The following METTL8 variants were observed in gnomAD, a reference collection of about 807,000 sequenced individuals.
METTL8 encodes tRNA N(3)-cytidine methyltransferase METTL8, mitochondrial.
Under a neutral mutation model 48.7 loss-of-function variants are expected in METTL8, and 32 were observed. The observed-to-expected ratio is 0.66, with a 90% CI of 0.50 to 0.88. The LOEUF (loss-of-function observed/expected upper bound fraction) is 0.88, where lower values mean the gene tolerates loss of function less well. Among genes scored for constraint, METTL8 ranks in the 40% least tolerant of loss-of-function variants. The pLI is 0.00. For missense variants in METTL8, 464 were observed against 474.4 expected (o/e 0.98, Z 0.20); for synonymous variants, 136 against 157.1 (o/e 0.87, Z 1.01).
intron 2 of METTL8, among the ~76,000 whole-genome samples, chr2:171,364,059 C>T (rs559345601): frequency 4.0e-5 from 6 of 151,618 alleles, no homozygotes; most frequent in African/African-American, 7.3e-5. Flanking sequence ...GTGATTTGCC[C>T]GCCTCAGCCT....
intron 3 of METTL8, among the ~76,000 whole-genome samples, chr2:171,343,720 G>A (rs1687004917): frequency 6.6e-6 from 1 of 152,098 alleles, no homozygotes; most frequent in East Asian, 1.9e-4. Context: ...TTTGATGAAA[G>A]GTTTGAATTA....
upstream of METTL8, chr2:171,434,691 G>A: frequency 6.7e-7 from 1 of 1,495,288 alleles, no homozygotes; most frequent in African/African-American, 1.5e-5. Context: ...TCCTGCGGGC[G>A]CTGGTGTGCC....
chr2:171,356,373 A>G (rs1263871428), intron 3 of METTL8, among the ~76,000 whole-genome samples: 2 of 152,160 alleles, frequency 1.3e-5, no homozygotes, highest in Non-Finnish European at 2.9e-5. Flanking sequence ...TCCTGACCTC[A>G]GGTGATCCAC....
chr2:171,333,268 T>A (rs1011261419), intron 5 of METTL8, among the ~76,000 whole-genome samples: 3 of 152,068 alleles, frequency 2.0e-5, no homozygotes, highest in Admixed American at 6.6e-5. Flanking sequence ...CCGGCTAATT[T>A]TGTATTTTTA....
chr2:171,326,696 G>A (rs903437938), intron 7 of METTL8, among the ~76,000 whole-genome samples: 2 of 150,584 alleles, frequency 1.3e-5, no homozygotes, highest in Non-Finnish European at 2.9e-5. Flanking sequence ...AAAATTCTAT[G>A]TCCTCTTTAA....
intron 4 of METTL8, among the ~76,000 whole-genome samples, chr2:171,338,765 T>C (rs554738919): frequency 2.6e-5 from 4 of 152,242 alleles, no homozygotes; most frequent in African/African-American, 9.6e-5. Flanking sequence ...ATACATTGCC[T>C]TTAAAATAAG....
chr2:171,417,965 A>G (rs1237320926), intron 1 of METTL8, among the ~76,000 whole-genome samples: 1 of 150,394 alleles, frequency 6.6e-6, no homozygotes, highest in Non-Finnish European at 1.5e-5. Context: ...TTTTTTTGAG[A>G]TGGAGTCTCA....
intron 1 of METTL8, among the ~76,000 whole-genome samples, chr2:171,425,546 G>A (rs1692319094): frequency 6.6e-6 from 1 of 152,212 alleles, no homozygotes; most frequent in East Asian, 1.9e-4. Context: ...CAACGTCTCA[G>A]AGCTGAGGGC....
intron 1 of METTL8, among the ~76,000 whole-genome samples, chr2:171,430,293 G>A (rs1692861971): frequency 6.6e-6 from 1 of 151,836 alleles, no homozygotes; most frequent in African/African-American, 2.4e-5. Context: ...GGGAGGTGGA[G>A]GCTGCAGTGA....
In METTL8 at chr2:171,406,829, A is replaced by G. The variant is rs551961166; in HGVS notation, c.-12-14632T>C. Reference sequence around the variant, plus strand: ...AAACTAGGAAGCTAAAAAGAGGTTCATAAGTCCCATTGTTAAGTAGTTGGA... The same window carrying G: ...AAACTAGGAAGCTAAAAAGAGGTTCGTAAGTCCCATTGTTAAGTAGTTGGA... On this transcript the variant is annotated intron_variant, in intron 1 of 9. Transcript: ENST00000375258. Among the ~76,000 whole-genome samples, 9 of 152,296 alleles carry G rather than the reference A, an allele frequency of 5.9e-5. No homozygotes were observed. In the South Asian group the frequency reaches 8.3e-4, roughly 14 times the overall value.
In METTL8 at chr2:171,356,952, A is replaced by ATGTTTTTTTTT; in HGVS notation, c.235+3469_235+3470insAAAAAAAAACA. ...CAAATTAGCCTTGTTCAAAGACAAT[A>ATGTTTTTTTTT]TTTTTTTTTTTTTTTTTGAGACAGG... On this transcript the variant is annotated intron_variant, in intron 3 of 9. Transcript: ENST00000375258. Among the ~76,000 whole-genome samples the ATGTTTTTTTTT allele has an allele frequency of 3.7e-3, 291 of 78,422 alleles. 60 individuals carry two copies. Among genetic ancestry groups the ATGTTTTTTTTT allele is most frequent in the African/African-American group, 6.9e-3 (155 of 22,468 alleles). 51.4% of individuals were successfully genotyped at this position (78,422 alleles called of 152,430 possible). A position where few individuals can be genotyped will look rare whatever the true frequency, so the allele number is the denominator to read the frequency against.
chr2:171,403,463 C>T lies in METTL8; in HGVS notation c.-12-11266G>A, dbSNP rs12479279. Among the ~76,000 whole-genome samples, 213 of 152,054 alleles carry T rather than the reference C, an allele frequency of 1.4e-3. 4 individuals are homozygous for T. The East Asian group carries it at 0.015, about 11-fold the overall frequency. On this transcript the variant is annotated intron_variant, in intron 1 of 9. Coordinates refer to ENST00000375258, the MANE Select transcript of METTL8 (RefSeq NM_001321154.2). ...AAAACAAAGAAAGTCTGAGAAACTG[C>T]CAGAGCCAAGCAAAATAAGGAGACA...
At chr2:171,344,852 G>C (rs543014137) in intron 3 of METTL8, among the ~76,000 whole-genome samples, 3 of 152,296 alleles carry the variant, frequency 2.0e-5, no homozygotes, top group African/African-American at 7.2e-5. Flanking sequence ...AACACCTTCA[G>C]TGTATGATTT....
chr2:171,370,281 T>G (rs1244028438), intron 2 of METTL8, among the ~76,000 whole-genome samples: 1 of 152,168 alleles, frequency 6.6e-6, no homozygotes, highest in Non-Finnish European at 1.5e-5. Flanking sequence ...TTGTTTGCAT[T>G]TGTATTTTTT....
At chr2:171,370,608 A>G (rs1686224187) in intron 2 of METTL8, among the ~76,000 whole-genome samples, 2 of 152,036 alleles carry the variant, frequency 1.3e-5, no homozygotes, top group South Asian at 2.1e-4. Flanking sequence ...TGGCTAACAC[A>G]GTGAAACCCC....
chr2:171,330,668 A>C lies in METTL8; in HGVS notation c.751T>G (p.Phe251Val), dbSNP rs1225641226. 1.1e-5 allele frequency: 17 copies of C among 1,613,610 alleles called. No homozygotes were observed. Among genetic ancestry groups the C allele is most frequent in the Admixed American group, 5.0e-5 (3 of 59,966 alleles). The stretch of plus-strand genomic sequence containing the variant: ...TCACATACATCATGAACAAAGGCAA[A>C]ACACTGGGTTGCTCTGTAGGACGAG... ...SHSSYRATQC[F>V]AFVHDVCDDG... The change falls in exon 7 of 10, where the codon TTT becomes GTT. Residue 251 changes from phenylalanine to valine, a missense_variant. Physicochemically the swap from Phe to Val is conservative, Grantham distance 50. Transcript: ENST00000375258.
chr2:171,338,727 CCTT>C (rs1285139260), intron 4 of METTL8, among the ~76,000 whole-genome samples: 1 of 151,776 alleles, frequency 6.6e-6, no homozygotes, highest in Non-Finnish European at 1.5e-5. Flanking sequence ...TAAATTATCT[CCTT>C]GTTAGCAAAT....
intron 3 of METTL8, among the ~76,000 whole-genome samples, chr2:171,355,600 C>T (rs961578705): frequency 2.0e-5 from 3 of 152,254 alleles, no homozygotes; most frequent in Non-Finnish European, 4.4e-5. Flanking sequence ...CCTCCTTGAG[C>T]TGTGGTGGGC....
At chr2:171,393,505 G>A (rs1305002616) in intron 1 of METTL8, among the ~76,000 whole-genome samples, 1 of 148,382 alleles carries the variant, frequency 6.7e-6, no homozygotes, top group African/African-American at 2.5e-5. Flanking sequence ...AGAATAACAA[G>A]CATTTAAAGA....
Sources: gnomAD v4.1 joint callset for allele counts (sites outside exome capture counted in the v4.1 genomes callset) on GRCh38, gnomAD v4.1.1 for gene constraint, MANE v1.5 for transcripts, NCBI Gene and HGNC (gene_info 2026-07-23, HGNC 2026-07-21) for gene names.